Variants in AP1S2 observed in about 807,000 individuals in gnomAD.
AP1S2 encodes AP-1 complex subunit sigma-2.
AP1S2 carries 1 observed loss-of-function variant against 14.3 expected under a neutral mutation model. That is an observed-to-expected ratio of 0.07 (90% CI 0.02 to 0.33). The LOEUF (loss-of-function observed/expected upper bound fraction) is 0.33, where lower values mean the gene tolerates loss of function less well. Ranked by LOEUF, AP1S2 falls within the 10% of genes least tolerant of loss-of-function variation. AP1S2 has a pLI of 0.99. For synonymous variants in AP1S2, 30 were observed against 40.5 expected, an observed-to-expected ratio of 0.74 and a Z score of 0.99; for missense variants, 30 against 117.7, an observed-to-expected ratio of 0.25 and a Z score of 3.45.
At chrX:15,835,873 A>C (rs1455708245) in intron 4 of AP1S2, among the ~76,000 whole-genome samples, 1 of 110,989 alleles carries the variant, frequency 9.0e-6, no homozygotes, top group East Asian at 2.8e-4. Context: ...AAAGATTTTC[A>C]GAAGTAACAC....
In AP1S2 at chrX:15,826,136, T is replaced by C. The variant is rs940663426; in HGVS notation, c.*1189A>G. ...TAAGACAGTGCTCACGTGGCCTGAA[T>C]GTTGGTCACAATCACAACAAAGCTT... On this transcript the variant is annotated 3_prime_UTR_variant, in exon 6 of 6. Coordinates refer to ENST00000672987, the MANE Select transcript of AP1S2 (RefSeq NM_001272071.2). 2 of 112,551 alleles carry C rather than the reference T, an allele frequency of 1.8e-5. No individual in the cohort carries two copies. The highest frequency in any genetic ancestry group is 6.5e-5 in the African/African-American group (2 of 30,970). The allele number at this position is 112,551 out of a possible 1,213,427, so 9.3% of individuals were successfully genotyped here.
At chrX:15,828,561 G>A (rs1215347567) in intron 4 of AP1S2, among the ~76,000 whole-genome samples, 1 of 111,110 alleles carries the variant, frequency 9.0e-6, no homozygotes, top group Non-Finnish European at 1.9e-5. Flanking sequence ...AATAAAAATG[G>A]GTAAAAATCA....
intron 4 of AP1S2, among the ~76,000 whole-genome samples, chrX:15,835,256 C>A (rs1933596377): frequency 8.9e-6 from 1 of 112,327 alleles, no homozygotes; most frequent in Admixed American, 9.4e-5. Flanking sequence ...TATTGCTCTA[C>A]TGCAGTTTTT....
chrX:15,836,664 T>C (rs980503904), intron 4 of AP1S2, among the ~76,000 whole-genome samples: 1 of 112,070 alleles, frequency 8.9e-6, no homozygotes, highest in East Asian at 2.8e-4. Context: ...GAGGACTGCA[T>C]GAGCCTCGGA....
chrX:15,853,669 G>C (rs1351582693), intron 1 of AP1S2, among the ~76,000 whole-genome samples: 1 of 112,025 alleles, frequency 8.9e-6, no homozygotes, highest in African/African-American at 3.3e-5. Flanking sequence ...AGAAATTATC[G>C]TCGCTTTTTG....
chrX:15,833,340 C>T (rs1933494163), intron 4 of AP1S2: 1 of 857,708 alleles, frequency 1.2e-6, no homozygotes, highest in Admixed American at 6.7e-5. Context: ...CACTTATACC[C>T]TGACACACCT....
At chrX:15,851,371 G>A (rs913422001) in intron 2 of AP1S2, among the ~76,000 whole-genome samples, 1 of 111,940 alleles carries the variant, frequency 8.9e-6, no homozygotes, top group African/African-American at 3.2e-5. Flanking sequence ...CATATTTGGA[G>A]TGCAATAAAG....
At position 15,854,756 on chromosome X, in the gene AP1S2, T is replaced by A; in HGVS notation, c.-69A>T. ...GCGGCGGCGGCGAAGGGGAAGCCCCTGTCGCCGTGCTGAGGAAGAGAAGCC... is the reference window on the plus strand; with the variant it reads ...GCGGCGGCGGCGAAGGGGAAGCCCCAGTCGCCGTGCTGAGGAAGAGAAGCC... On this transcript the variant is annotated 5_prime_UTR_variant, in exon 1 of 6. Transcript: ENST00000672987. 3.7e-6 allele frequency: 3 copies of A among 815,501 alleles called. No homozygotes were observed. The highest frequency in any genetic ancestry group is 3.0e-6 in the Non-Finnish European group (2 of 675,838). 67.2% of individuals were successfully genotyped at this position (815,501 alleles called of 1,213,427 possible).
At chrX:15,840,568 A>G (rs1403812110) in intron 4 of AP1S2, 19 of 976,645 alleles carry the variant, frequency 1.9e-5, no homozygotes, top group Non-Finnish European at 2.5e-5. Flanking sequence ...CCTCAGACAA[A>G]CCTCCCCATT....
rs1933455697 is a variant in AP1S2 at position 15,832,158 on chromosome X, G to T, written c.427-3958C>A. 5 of 743,864 alleles carry T rather than the reference G, an allele frequency of 6.7e-6. No individual in the cohort carries two copies. The African/African-American group carries it at 1.2e-4, about 17-fold the overall frequency. The allele number at this position is 743,864 out of a possible 1,213,427, so 61.3% of individuals were successfully genotyped here. Reference sequence around the variant, plus strand: ...AGATTTTAACGAACTCTCCAGATTTGAGTGTCTACAGAAGGACTTCTAGGG... The same window carrying T: ...AGATTTTAACGAACTCTCCAGATTTTAGTGTCTACAGAAGGACTTCTAGGG... On this transcript the variant is annotated intron_variant, in intron 4 of 5. Coordinates refer to ENST00000672987, the MANE Select transcript of AP1S2 (RefSeq NM_001272071.2).
chrX:15,847,907 TTTTA>T (rs745917077), intron 2 of AP1S2, among the ~76,000 whole-genome samples: 3 of 112,212 alleles, frequency 2.7e-5, no homozygotes, highest in South Asian at 3.6e-4. Context: ...GTAAAATTCC[TTTTA>T]TTTAAGATTT....
chrX:15,846,849 T>C (rs975286978), intron 2 of AP1S2, among the ~76,000 whole-genome samples: 5 of 111,771 alleles, frequency 4.5e-5, no homozygotes, highest in Non-Finnish European at 9.4e-5. Context: ...GGGAATAAGG[T>C]TGGGAAACTT....
At chrX:15,840,411 G>A (rs1933791645) in intron 4 of AP1S2, 2 of 455,197 alleles carry the variant, frequency 4.4e-6, no homozygotes, top group East Asian at 2.0e-4. Flanking sequence ...GATCAAGCAA[G>A]GACTTAGAAA....
chrX:15,832,059 A>G (rs1185302392), intron 4 of AP1S2: 12 of 746,957 alleles, frequency 1.6e-5, no homozygotes, highest in Non-Finnish European at 1.6e-5. Flanking sequence ...CCGTTTACTT[A>G]TACCTACAAA....
chrX:15,838,142 G>A (rs765854509), intron 4 of AP1S2, among the ~76,000 whole-genome samples: 1 of 111,202 alleles, frequency 9.0e-6, no homozygotes, highest in Admixed American at 9.6e-5. Flanking sequence ...GCGTTCTAAG[G>A]GGGCTGTCCT....
intron 2 of AP1S2, among the ~76,000 whole-genome samples, chrX:15,846,613 C>G (rs1262377261): frequency 1.8e-5 from 2 of 111,918 alleles, no homozygotes; most frequent in African/African-American, 3.2e-5. Context: ...CCTCCCACCC[C>G]CAAGGGTAAC....
intron 5 of AP1S2, 142 bp downstream of exon 5, chrX:15,828,050 C>A: frequency 2.7e-6 from 1 of 373,955 alleles, no homozygotes; most frequent in Non-Finnish European, 4.5e-6. Flanking sequence ...TCCAAAGTGG[C>A]TGATTTTGCA....
At chrX:15,848,294 A>G (rs905260750) in intron 2 of AP1S2, among the ~76,000 whole-genome samples, 4 of 111,589 alleles carry the variant, frequency 3.6e-5, no homozygotes, top group Non-Finnish European at 7.5e-5. Flanking sequence ...AATGTTAGCT[A>G]AGGCTTTTGC....
chrX:15,836,587 TAAA>T (rs1933646239), intron 4 of AP1S2, among the ~76,000 whole-genome samples: 2 of 112,272 alleles, frequency 1.8e-5, no homozygotes, highest in South Asian at 7.2e-4. Flanking sequence ...GCTTTTAAAA[TAAA>T]AAAGCAGAGG....
Sources: gnomAD v4.1 joint callset for allele counts (sites outside exome capture counted in the v4.1 genomes callset) on GRCh38, gnomAD v4.1.1 for gene constraint, MANE v1.5 for transcripts, NCBI Gene and HGNC (gene_info 2026-07-23, HGNC 2026-07-21) for gene names.